The following ACOT7 variants were observed in gnomAD, a reference collection of about 807,000 sequenced individuals.
ACOT7 encodes the protein acyl-CoA thioesterase 7.
A neutral mutation model predicts 40.2 loss-of-function variants in ACOT7; 12 were observed. The ratio of observed to expected loss-of-function variants is 0.30; its 90% CI spans 0.19 to 0.48. The LOEUF is 0.48. Ranked by LOEUF, ACOT7 falls within the 20% of genes least tolerant of loss-of-function variation. The pLI, the probability that ACOT7 is intolerant of heterozygous loss-of-function variation, is 0.99. For synonymous variants in ACOT7, 228 were observed against 219.5 expected, an observed-to-expected ratio of 1.04 and a Z score of -0.34; for missense variants, 395 against 530.8, an observed-to-expected ratio of 0.74 and a Z score of 2.51.
At chr1:6,284,168 A>G (rs1639433113) in intron 7 of ACOT7, among the ~76,000 whole-genome samples, 1 of 152,134 alleles carries the variant, frequency 6.6e-6, no homozygotes, top group Admixed American at 6.5e-5. Flanking sequence ...GGCACATCCC[A>G]CACATGACAC....
rs112930544 is a variant in ACOT7 at position 6,347,768 on chromosome 1, G to GAA, written c.261+1979_261+1980dup. 2.7e-4 allele frequency among the ~76,000 whole-genome samples: 40 copies of GAA among 145,470 alleles called. 1 individual carries two copies. Among genetic ancestry groups the GAA allele is most frequent in the African/African-American group, 9.2e-4 (37 of 40,066 alleles). The stretch of plus-strand genomic sequence containing the variant: ...GGTGACAGAGTGAGACTCTGTCTCA[G>GAA]AAAAAAAAAAACAAGACAAGAACAG... On this transcript the variant is annotated intron_variant, in intron 2 of 8. Transcript: ENST00000361521.
In ACOT7 at chr1:6,393,427, G is replaced by A; in HGVS notation, c.-28C>T. Reference sequence around the variant, plus strand: ...AGGGGGAGGGCAGAGGTGGAGCGATGGGGCTGGTGAGGCGGGGCCTGCGCG... The same window carrying A: ...AGGGGGAGGGCAGAGGTGGAGCGATAGGGCTGGTGAGGCGGGGCCTGCGCG... On this transcript the variant is annotated 5_prime_UTR_variant, in exon 1 of 9. Transcript: ENST00000361521. The A allele has an allele frequency of 1.7e-6, 2 of 1,211,778 alleles. No homozygotes were observed. The highest frequency in any genetic ancestry group is 2.1e-6 in the Non-Finnish European group (2 of 975,372). The allele number at this position is 1,211,778 out of a possible 1,614,324, so 75.1% of individuals were successfully genotyped here.
intron 4 of ACOT7, among the ~76,000 whole-genome samples, chr1:6,332,870 A>G (rs1451583417): frequency 6.6e-6 from 1 of 152,148 alleles, no homozygotes; most frequent in Non-Finnish European, 1.5e-5. Context: ...AGAAAGAAAG[A>G]TGCTTCCAAC....
intron 1 of ACOT7, among the ~76,000 whole-genome samples, chr1:6,356,514 T>C (rs973526078): frequency 2.0e-5 from 3 of 152,090 alleles, no homozygotes; most frequent in Non-Finnish European, 1.5e-5. Flanking sequence ...CAGGCCCCTG[T>C]GCGGTGACCT....
chr1:6,274,501 C>T lies in ACOT7; in HGVS notation c.1014+6601G>A, dbSNP rs934655456. On this transcript the variant is annotated intron_variant, in intron 8 of 8. Transcript: ENST00000361521. The surrounding 1 kb of genome is among the most constrained non-coding windows in gnomAD (Gnocchi z 5.9). Reference sequence around the variant, plus strand: ...TGCCACGCTGTCCTCTCGGCTGGCGCGGGGCTTACCCGGCCCCTGCACTCA... The same window carrying T: ...TGCCACGCTGTCCTCTCGGCTGGCGTGGGGCTTACCCGGCCCCTGCACTCA... Among the ~76,000 whole-genome samples, 2 of 152,232 alleles carry T rather than the reference C, an allele frequency of 1.3e-5. No individual in the cohort carries two copies. Among genetic ancestry groups the T allele is most frequent in the East Asian group, 1.9e-4 (1 of 5,188 alleles).
chr1:6,306,421 G>C lies in ACOT7; in HGVS notation c.713-11441C>G. ...GTGCCTATAGGATGCTTGGACTGGA[G>C]TGATATGAACCCCACGCCCAGGCTT... On this transcript the variant is annotated intron_variant, in intron 6 of 8. Transcript: ENST00000361521. This position sits in a 1 kb window ranked among gnomAD's most constrained non-coding sequence, Gnocchi z 4.3. 4.1e-6 allele frequency: 4 copies of C among 985,342 alleles called. No homozygotes were observed. Among genetic ancestry groups the C allele is most frequent in the Non-Finnish European group, 4.8e-6 (4 of 829,920 alleles). 61.0% of individuals were successfully genotyped at this position (985,342 alleles called of 1,614,324 possible).
chr1:6,365,461 T>C (rs987230288), intron 1 of ACOT7, among the ~76,000 whole-genome samples: 4 of 152,134 alleles, frequency 2.6e-5, no homozygotes, highest in Non-Finnish European at 4.4e-5. Context: ...AAAAAGTATA[T>C]ACCTTCATTT....
rs571286783 is a variant in ACOT7, at chr1:6,306,174, C to T, written c.713-11194G>A. ...GCTTCGGCTCGGCATCAGAGGGAGACCGTGGCAAGAGAGGGAGAGGGAGAC... is the reference window on the plus strand; with the variant it reads ...GCTTCGGCTCGGCATCAGAGGGAGATCGTGGCAAGAGAGGGAGAGGGAGAC... On this transcript the variant is annotated intron_variant, in intron 6 of 8. Coordinates refer to ENST00000361521, the MANE Select transcript of ACOT7 (RefSeq NM_007274.4). The surrounding 1 kb of genome is among the most constrained non-coding windows in gnomAD (Gnocchi z 4.3). 711 of 886,824 alleles carry T rather than the reference C, an allele frequency of 8.0e-4. 6 individuals are homozygous for T. In the African/African-American group the frequency reaches 0.014, roughly 17 times the overall value. 54.9% of individuals were successfully genotyped at this position (886,824 alleles called of 1,614,324 possible).
In ACOT7 at chr1:6,318,522, C is replaced by A. The variant is rs1640557232; in HGVS notation, c.682G>T (p.Asp228Tyr). ...SSLIHLVGPSDCTLHGFVHGG... is the reference protein window; with the variant it reads ...SSLIHLVGPSYCTLHGFVHGG... The stretch of plus-strand genomic sequence containing the variant: ...TGCACAAAGCCGTGCAGGGTGCAGT[C>A]TGAAGGCCCCACCAGGTGGATCAAG... Residue 228 changes from aspartate (D) to tyrosine (Y), a missense_variant, in exon 6 of 9, where the codon GAC becomes TAC. Physicochemically the swap from Asp to Tyr is radical, Grantham distance 160. Coordinates refer to ENST00000361521, the MANE Select transcript of ACOT7 (RefSeq NM_007274.4). 2 of 1,614,158 alleles carry A rather than the reference C, an allele frequency of 1.2e-6. No homozygotes were observed. The highest frequency in any genetic ancestry group is 1.7e-6 in the Non-Finnish European group (2 of 1,180,018).
intron 6 of ACOT7, among the ~76,000 whole-genome samples, chr1:6,317,770 C>T (rs189671071): frequency 3.4e-5 from 5 of 147,204 alleles, no homozygotes; most frequent in Admixed American, 2.7e-4. Flanking sequence ...CTCACTCTGT[C>T]GCCCAGGCTG....
Position 6,358,158 on chromosome 1 carries a change from A to C in ACOT7, c.144-8292T>G, listed in dbSNP as rs7515832. On this transcript the variant is annotated intron_variant, in intron 1 of 8. Coordinates refer to ENST00000361521, the MANE Select transcript of ACOT7 (RefSeq NM_007274.4). The surrounding 1 kb of genome is among the most constrained non-coding windows in gnomAD (Gnocchi z 4.1). ...TGCTGAGATTACAGGCGTGAGTCAC[A>C]GAGTCTGGCCCCTGCTTCTCCTCTT... Among the ~76,000 whole-genome samples the C allele has an allele frequency of 0.11, 16,058 of 151,914 alleles. 1,670 individuals carry two copies. The highest frequency in any genetic ancestry group is 0.26 in the African/African-American group (10,948 of 41,400).
chr1:6,345,092 G>A (rs1324971018), intron 2 of ACOT7, among the ~76,000 whole-genome samples: 1 of 152,178 alleles, frequency 6.6e-6, no homozygotes, highest in Non-Finnish European at 1.5e-5. Flanking sequence ...AAGTATTTGC[G>A]TTCCATGGGA....
chr1:6,278,868 C>A lies in ACOT7; in HGVS notation c.1014+2234G>T, dbSNP rs1392462119. Among the ~76,000 whole-genome samples, 1 of 152,178 alleles carries A rather than the reference C, an allele frequency of 6.6e-6. No individual in the cohort carries two copies. The highest frequency in any genetic ancestry group is 1.5e-5 in the Non-Finnish European group (1 of 68,036). On this transcript the variant is annotated intron_variant, in intron 8 of 8. Transcript: ENST00000361521. This position sits in a 1 kb window ranked among gnomAD's most constrained non-coding sequence, Gnocchi z 4.1. The stretch of plus-strand genomic sequence containing the variant: ...TGTGCTACAGACAGGGAGCGGACAG[C>A]AGACAGGGCGTGTCCTTGCGTCTGT...
chr1:6,291,995 G>T lies in ACOT7; in HGVS notation c.829+2869C>A, dbSNP rs149024158. Reference sequence around the variant, plus strand: ...TGCTCTGACAACCCTGGCCCCACTCGGCCAGCACAGCCCTCGCCTCCCTGC... The same window carrying T: ...TGCTCTGACAACCCTGGCCCCACTCTGCCAGCACAGCCCTCGCCTCCCTGC... On this transcript the variant is annotated intron_variant, in intron 7 of 8. Transcript: ENST00000361521. 3.0e-3 allele frequency among the ~76,000 whole-genome samples: 452 copies of T among 152,292 alleles called. 2 individuals are homozygous for T. The highest frequency in any genetic ancestry group is 9.7e-3 in the African/African-American group (402 of 41,556).
chr1:6,328,195 C>A (rs1052002707), intron 4 of ACOT7, among the ~76,000 whole-genome samples: 6 of 152,212 alleles, frequency 3.9e-5, no homozygotes, highest in African/African-American at 1.4e-4. Flanking sequence ...CACCCACTCT[C>A]CAAAGTCCAT....
chr1:6,339,973 T>G (rs1396695091), intron 2 of ACOT7, among the ~76,000 whole-genome samples: 3 of 147,698 alleles, frequency 2.0e-5, no homozygotes, highest in Middle Eastern at 7.0e-3. Flanking sequence ...TTTGTTTTGT[T>G]TTTTGTTTTT....
rs758111931 is a variant in ACOT7, at chr1:6,274,502, G to A, written c.1014+6600C>T. On this transcript the variant is annotated intron_variant, in intron 8 of 8. Transcript: ENST00000361521. This position sits in a 1 kb window ranked among gnomAD's most constrained non-coding sequence, Gnocchi z 5.9. ...GCCACGCTGTCCTCTCGGCTGGCGC[G>A]GGGCTTACCCGGCCCCTGCACTCAT... Among the ~76,000 whole-genome samples, 2 of 152,194 alleles carry A rather than the reference G, an allele frequency of 1.3e-5. No homozygotes were observed. Among genetic ancestry groups the A allele is most frequent in the African/African-American group, 2.4e-5 (1 of 41,446 alleles).
chr1:6,282,750 A>C lies in ACOT7; in HGVS notation c.830-1464T>G. 7.7e-7 allele frequency: 1 copy of C among 1,304,276 alleles called. No individual in the cohort carries two copies. The highest frequency in any genetic ancestry group is 1.0e-6 in the Non-Finnish European group (1 of 988,958). The allele number at this position is 1,304,276 out of a possible 1,614,324, so 80.8% of individuals were successfully genotyped here. On this transcript the variant is annotated intron_variant, in intron 7 of 8. Coordinates refer to ENST00000361521, the MANE Select transcript of ACOT7 (RefSeq NM_007274.4). This position sits in a 1 kb window ranked among gnomAD's most constrained non-coding sequence, Gnocchi z 4.5. ...GGGAGCACTTCGTGCCAGTGCTGGG[A>C]GAGGAGGAAGGAGCTGTGTGGTCAG...
At position 6,306,754 on chromosome 1, in the gene ACOT7, T is replaced by G; in HGVS notation, c.712+11738A>C. ...CTCTTCGTCCACCTTTTTCCTTCCTTGCCCCAACACTGAGGGTCTGGTGTG... is the reference window on the plus strand; with the variant it reads ...CTCTTCGTCCACCTTTTTCCTTCCTGGCCCCAACACTGAGGGTCTGGTGTG... On this transcript the variant is annotated intron_variant, in intron 6 of 8. Coordinates refer to ENST00000361521, the MANE Select transcript of ACOT7 (RefSeq NM_007274.4). This position sits in a 1 kb window ranked among gnomAD's most constrained non-coding sequence, Gnocchi z 4.3. 1 of 1,263,838 alleles carries G rather than the reference T, an allele frequency of 7.9e-7. No individual in the cohort carries two copies. Among genetic ancestry groups the G allele is most frequent in the South Asian group, 1.3e-5 (1 of 78,466 alleles). The allele number at this position is 1,263,838 out of a possible 1,614,324, so 78.3% of individuals were successfully genotyped here.
Sources: allele counts gnomAD v4.1 joint callset (sites outside exome capture counted in the v4.1 genomes callset), GRCh38; gene constraint gnomAD v4.1.1; non-coding constraint Gnocchi (gnomAD v3.1); transcripts MANE v1.5; gene names NCBI Gene and HGNC (gene_info 2026-07-23, HGNC 2026-07-21).